The following CDH4 variants were observed in gnomAD, a reference collection of about 807,000 sequenced individuals.
CDH4 encodes cadherin-4.
In CDH4, 33 loss-of-function variants were observed where a neutral mutation model predicts 86.0. That is an observed-to-expected ratio of 0.38 (90% CI 0.29 to 0.51). CDH4 has a LOEUF of 0.51. Among genes scored for constraint, CDH4 ranks in the 20% least tolerant of loss-of-function variants. The probability of loss-of-function intolerance (pLI) is 0.86; values close to 1 mark genes in which losing one functional copy is unlikely to be tolerated. For synonymous variants in CDH4, 555 were observed against 549.4 expected (o/e 1.01, Z -0.14); for missense variants, 1,114 against 1,307.4 (o/e 0.85, Z 2.28).
rs1185087327 is a variant in CDH4, at chr20:61,902,635, A to T, written c.1188+7588A>T. On this transcript the variant is annotated intron_variant, in intron 8 of 15. Coordinates refer to ENST00000614565, the MANE Select transcript of CDH4 (RefSeq NM_001794.5). The surrounding 1 kb of genome is among the most constrained non-coding windows in gnomAD (Gnocchi z 4.6). ...CATTGTAGGACAAAAACAACCACAG[A>T]CAAAACAGAAGCGAGTGGGTGTGGC... Among the ~76,000 whole-genome samples the T allele has an allele frequency of 6.6e-6, 1 of 152,222 alleles. No homozygotes were observed. Among genetic ancestry groups the T allele is most frequent in the African/African-American group, 2.4e-5 (1 of 41,454 alleles).
At chr20:61,601,484 G>A (rs1336266328) in intron 2 of CDH4, among the ~76,000 whole-genome samples, 1 of 152,160 alleles carries the variant, frequency 6.6e-6, no homozygotes, top group Non-Finnish European at 1.5e-5. Flanking sequence ...CACCTGGGCA[G>A]CCTGCGGCCC....
chr20:61,409,737 T>C (rs1234903907), intron 2 of CDH4, among the ~76,000 whole-genome samples: 3 of 152,252 alleles, frequency 2.0e-5, no homozygotes, highest in Non-Finnish European at 4.4e-5. Flanking sequence ...TGGAATGCCA[T>C]TTATTTTCTA....
chr20:61,680,852 G>A (rs6142829), intron 2 of CDH4, among the ~76,000 whole-genome samples: 20,421 of 152,106 alleles, frequency 0.13, 1,516 homozygotes, highest in African/African-American at 0.2. Context: ...CTCATCCAGC[G>A]TCCTTCAGAG....
At chr20:61,578,147 G>A (rs904322217) in intron 2 of CDH4, among the ~76,000 whole-genome samples, 1 of 152,250 alleles carries the variant, frequency 6.6e-6, no homozygotes, top group Admixed American at 6.5e-5. Flanking sequence ...ACCTGGGAAG[G>A]GCCAGAGCAA....
intron 2 of CDH4, among the ~76,000 whole-genome samples, chr20:61,311,463 A>G (rs1478540800): frequency 6.6e-6 from 1 of 152,242 alleles, no homozygotes; most frequent in Non-Finnish European, 1.5e-5. Context: ...AGAACAATGC[A>G]AATTAGGACA....
chr20:61,389,413 G>A (rs141251751), intron 2 of CDH4, among the ~76,000 whole-genome samples: 3 of 152,218 alleles, frequency 2.0e-5, no homozygotes. Flanking sequence ...TTGTAAAAGT[G>A]AGCATGTCTT....
chr20:61,913,870 G>A (rs1473988536), intron 9 of CDH4, among the ~76,000 whole-genome samples: 1 of 152,204 alleles, frequency 6.6e-6, no homozygotes, highest in Admixed American at 6.5e-5. Flanking sequence ...ATTGCCATGT[G>A]ACAGCTTGGC....
intron 2 of CDH4, among the ~76,000 whole-genome samples, chr20:61,660,911 C>T (rs776086496): frequency 3.9e-5 from 6 of 152,162 alleles, no homozygotes; most frequent in South Asian, 2.1e-4. Context: ...CTCATGGTCC[C>T]GCAGCCTCTG....
In CDH4 at chr20:61,755,859, A is replaced by G. The variant is rs374460934; in HGVS notation, c.396+12070A>G. Among the ~76,000 whole-genome samples, 587 of 152,344 alleles carry G rather than the reference A, an allele frequency of 3.9e-3. 1 individual carries two copies. The highest frequency in any genetic ancestry group is 0.013 in the African/African-American group (553 of 41,568). ...GTGCGGCTACATGAAACACATGCGC[A>G]GGTGTTGCACACTCACACTGATACC... On this transcript the variant is annotated intron_variant, in intron 3 of 15. Coordinates refer to ENST00000614565, the MANE Select transcript of CDH4 (RefSeq NM_001794.5).
rs964747942 is a variant in CDH4 at position 61,392,739 on chromosome 20, C to T, written c.169+137802C>T. Among the ~76,000 whole-genome samples, 8 of 152,158 alleles carry T rather than the reference C, an allele frequency of 5.3e-5. No individual in the cohort carries two copies. The highest frequency in any genetic ancestry group is 1.9e-4 in the African/African-American group (8 of 41,436). On this transcript the variant is annotated intron_variant, in intron 2 of 15. Coordinates refer to ENST00000614565, the MANE Select transcript of CDH4 (RefSeq NM_001794.5). This position sits in a 1 kb window ranked among gnomAD's most constrained non-coding sequence, Gnocchi z 5.7. ...GTTAAATTTGAACCTTGGACTGTTT[C>T]TCACAGTATTCATCAGAAACTCGGT... is the stretch of plus-strand genomic sequence containing the variant.
At chr20:61,647,511 T>C (rs2087073238) in intron 2 of CDH4, among the ~76,000 whole-genome samples, 1 of 105,310 alleles carries the variant, frequency 9.5e-6, no homozygotes, top group Non-Finnish European at 2.2e-5. Context: ...AACACATCAG[T>C]ATGCACACAC....
intron 2 of CDH4, among the ~76,000 whole-genome samples, chr20:61,563,464 T>G (rs2086237804): frequency 6.6e-6 from 1 of 152,278 alleles, no homozygotes; most frequent in East Asian, 1.9e-4. Context: ...TAGAAAACAT[T>G]GGTCCTAATT....
At position 61,431,312 on chromosome 20, in the gene CDH4, G is replaced by A. The variant is rs766814317; in HGVS notation, c.169+176375G>A. ...AAATCTTGGCTACTGAAGTTCCAGC[G>A]TAGGAGAAAATCTTGCTTGGCCAAA... On this transcript the variant is annotated intron_variant, in intron 2 of 15. Coordinates refer to ENST00000614565, the MANE Select transcript of CDH4 (RefSeq NM_001794.5). Among the ~76,000 whole-genome samples, 23 of 151,180 alleles carry A rather than the reference G, an allele frequency of 1.5e-4. 1 individual carries two copies. The South Asian group carries it at 2.7e-3, about 18-fold the overall frequency.
intron 2 of CDH4, among the ~76,000 whole-genome samples, chr20:61,697,300 C>CA (rs767755567): frequency 9.9e-5 from 15 of 152,094 alleles, no homozygotes; most frequent in Admixed American, 3.3e-4. Context: ...CATCAGATGG[C>CA]ACAGAAATAA....
At chr20:61,802,518 AGAGCATCGCTTT>A (rs1979881015) in intron 4 of CDH4, among the ~76,000 whole-genome samples, 1 of 152,214 alleles carries the variant, frequency 6.6e-6, no homozygotes, top group South Asian at 2.1e-4. Flanking sequence ...ATTTCTCTGC[AGAGCATCGCTTT>A]GAAGGAAAAC....
rs537845192 is a variant in CDH4, at chr20:61,408,101, C to T, written c.169+153164C>T. ...TTTTAGGAGCTGCCTTGCCCCACTC[C>T]GACCTCTCCATCGTCAAGTGTCCTC... On this transcript the variant is annotated intron_variant, in intron 2 of 15. Transcript: ENST00000614565. 9.9e-5 allele frequency among the ~76,000 whole-genome samples: 15 copies of T among 152,270 alleles called. No individual in the cohort carries two copies. The East Asian group carries it at 2.5e-3, about 25-fold the overall frequency.
At chr20:61,841,133 C>A (rs1266409669) in intron 4 of CDH4, among the ~76,000 whole-genome samples, 1 of 152,236 alleles carries the variant, frequency 6.6e-6, no homozygotes, top group African/African-American at 2.4e-5. Flanking sequence ...GAAGACTGGA[C>A]CTGGCTCTGT....
Position 61,695,313 on chromosome 20 carries a change from T to C in CDH4, c.170-48250T>C, listed in dbSNP as rs569774458. ...CCTGCCCGGGAGGCATGAACCAGCT[T>C]CATTTCATTCTTCTTGCTGGCCCTG... On this transcript the variant is annotated intron_variant, in intron 2 of 15. Transcript: ENST00000614565. 3.6e-4 allele frequency among the ~76,000 whole-genome samples: 55 copies of C among 152,350 alleles called. 2 individuals are homozygous for C. In the East Asian group the frequency reaches 0.01, roughly 28 times the overall value.
intron 2 of CDH4, among the ~76,000 whole-genome samples, chr20:61,636,470 C>T (rs1161557390): frequency 1.3e-5 from 2 of 152,216 alleles, no homozygotes; most frequent in East Asian, 1.9e-4. Flanking sequence ...TTGAATAATT[C>T]GTTTTATCAT....
Sources: allele counts gnomAD v4.1 joint callset (sites outside exome capture counted in the v4.1 genomes callset), GRCh38; gene constraint gnomAD v4.1.1; non-coding constraint Gnocchi (gnomAD v3.1); transcripts MANE v1.5; gene names NCBI Gene and HGNC (gene_info 2026-07-23, HGNC 2026-07-21).